AGAP1: variants seen among roughly 807,000 people sequenced by gnomAD.
AGAP1 encodes ArfGAP with GTPase domain, ankyrin repeat and PH domain 1, also known as arf-GAP with GTPase, ANK repeat and PH domain-containing protein 1.
A neutral mutation model predicts 105.3 loss-of-function variants in AGAP1; 29 were observed. The ratio of observed to expected loss-of-function variants is 0.28; its 90% confidence interval spans 0.21 to 0.38. AGAP1 has a LOEUF of 0.38. Among genes scored for constraint, AGAP1 ranks in the 10% least tolerant of loss-of-function variants. The probability of loss-of-function intolerance (pLI) is 1.00; values close to 1 mark genes in which losing one functional copy is unlikely to be tolerated. For synonymous variants in AGAP1, 509 were observed against 485.9 expected (o/e 1.05, Z -0.63); for missense variants, 998 against 1,165.1 (o/e 0.86, Z 2.09).
At chr2:235,873,489 T>G (rs368457139) in intron 9 of AGAP1, among the ~76,000 whole-genome samples, 41 of 152,214 alleles carry the variant, frequency 2.7e-4, no homozygotes, top group East Asian at 2.5e-3. Flanking sequence ...TCCTATTGTT[T>G]TGGCAAACTT....
At chr2:235,806,557 A>T (rs76501190) in intron 8 of AGAP1, among the ~76,000 whole-genome samples, 5,998 of 152,282 alleles carry the variant, frequency 0.039, 157 homozygotes, top group Non-Finnish European at 0.058. Flanking sequence ...GCACGTCAGC[A>T]GTGCATCGGA....
In AGAP1 at chr2:235,665,294, T is replaced by C. The variant is rs751672359; in HGVS notation, c.164-43885T>C. 2.0e-5 allele frequency among the ~76,000 whole-genome samples: 3 copies of C among 152,330 alleles called. No homozygotes were observed. Among genetic ancestry groups the C allele is most frequent in the African/African-American group, 4.8e-5 (2 of 41,586 alleles). ...AGGAAAAACACAGGAAGGATGCAGG[T>C]GCTCAGAGGACCTTCTGGGGTCTTT... is the stretch of plus-strand genomic sequence containing the variant. On this transcript the variant is annotated intron_variant, in intron 1 of 17. Coordinates refer to ENST00000304032, the MANE Select transcript of AGAP1 (RefSeq NM_001037131.3). This position sits in a 1 kb window ranked among gnomAD's most constrained non-coding sequence, Gnocchi z 5.3.
rs548151692 is a variant in AGAP1, at chr2:236,058,611, G to A, written c.2114+9330G>A. ...AAAGGACATCTCTAAAAAACCCACA[G>A]CTAACATTGTACTTTATGGTGAAAT... On this transcript the variant is annotated intron_variant, in intron 16 of 17. Transcript: ENST00000304032. This position sits in a 1 kb window ranked among gnomAD's most constrained non-coding sequence, Gnocchi z 4.6. 5.9e-5 allele frequency among the ~76,000 whole-genome samples: 9 copies of A among 152,266 alleles called. No individual in the cohort carries two copies. The South Asian group carries it at 1.9e-3, about 32-fold the overall frequency.
chr2:235,644,719 G>A (rs1947315127), intron 1 of AGAP1, among the ~76,000 whole-genome samples: 1 of 152,140 alleles, frequency 6.6e-6, no homozygotes, highest in Admixed American at 6.5e-5. Flanking sequence ...TGGTGCCAGA[G>A]TTCTGACCAG....
intron 1 of AGAP1, among the ~76,000 whole-genome samples, chr2:235,540,299 C>T (rs971928482): frequency 1.3e-5 from 2 of 151,958 alleles, no homozygotes; most frequent in Non-Finnish European, 2.9e-5. Flanking sequence ...TACAGGCACA[C>T]GCCACCAACG....
At position 235,865,677 on chromosome 2, in the gene AGAP1, G is replaced by A. The variant is rs561060388; in HGVS notation, c.1051-17668G>A. On this transcript the variant is annotated intron_variant, in intron 9 of 17. Coordinates refer to ENST00000304032, the MANE Select transcript of AGAP1 (RefSeq NM_001037131.3). The surrounding 1 kb of genome is among the most constrained non-coding windows in gnomAD (Gnocchi z 6.2). ...AGGTGCTCTGGAGGAGGGGCAGGGC[G>A]GGAAATATTACTATTTTAAAAAGCT... Among the ~76,000 whole-genome samples the A allele has an allele frequency of 6.6e-6, 1 of 152,222 alleles. No homozygotes were observed.
intron 13 of AGAP1, among the ~76,000 whole-genome samples, chr2:236,026,581 T>G (rs766904680): frequency 1.1e-4 from 17 of 151,986 alleles, no homozygotes; most frequent in Non-Finnish European, 1.9e-4. Flanking sequence ...ATACAAAAAT[T>G]AGCTGGGCGT....
intron 6 of AGAP1, among the ~76,000 whole-genome samples, chr2:235,763,057 T>TGTGTGTGCGCGCGCGC (rs953192018): frequency 3.7e-5 from 4 of 107,012 alleles, no homozygotes; most frequent in Admixed American, 1.2e-4. Context: ...TGTGTATGTG[T>TGTGTGTGCGCGCGCGC]GCGCGCGCGC....
intron 12 of AGAP1, among the ~76,000 whole-genome samples, chr2:235,939,867 C>T (rs144243947): frequency 2.7e-3 from 409 of 152,286 alleles, no homozygotes; most frequent in African/African-American, 9.3e-3. Flanking sequence ...ACTCAGCTCT[C>T]TCCTGTCCTC....
At chr2:235,987,717 C>T (rs1247647674) in intron 13 of AGAP1, among the ~76,000 whole-genome samples, 2 of 152,100 alleles carry the variant, frequency 1.3e-5, no homozygotes, top group Non-Finnish European at 2.9e-5. Flanking sequence ...TCTTTGTTCT[C>T]ATTGGTTTCA....
chr2:235,562,925 T>A (rs1275019288), intron 1 of AGAP1, among the ~76,000 whole-genome samples: 1 of 151,778 alleles, frequency 6.6e-6, no homozygotes, highest in Non-Finnish European at 1.5e-5. Flanking sequence ...GCCCGGCCGG[T>A]GGTGTGCGCC....
rs1303993269 is a variant in AGAP1, at chr2:235,551,677, C to G, written c.163+56828C>G. 6.6e-6 allele frequency among the ~76,000 whole-genome samples: 1 copy of G among 152,232 alleles called. No individual in the cohort carries two copies. Among genetic ancestry groups the G allele is most frequent in the Non-Finnish European group, 1.5e-5 (1 of 68,038 alleles). On this transcript the variant is annotated intron_variant, in intron 1 of 17. Transcript: ENST00000304032. The surrounding 1 kb of genome is among the most constrained non-coding windows in gnomAD (Gnocchi z 4.8). ...TTCCAAGGCACGTGGCAGGTGGGTG[C>G]TGTTTCTTTCCTGCAGGATGTTTGC...
rs1025815389 is a variant in AGAP1 at position 235,855,448 on chromosome 2, G to C, written c.1051-27897G>C. On this transcript the variant is annotated intron_variant, in intron 9 of 17. Coordinates refer to ENST00000304032, the MANE Select transcript of AGAP1 (RefSeq NM_001037131.3). The surrounding 1 kb of genome is among the most constrained non-coding windows in gnomAD (Gnocchi z 5.0). ...TTCTTTAGATGTCCTTATTCATTCAGTTACAGATTTATCATTTTTCAAACC... is the reference window on the plus strand; with the variant it reads ...TTCTTTAGATGTCCTTATTCATTCACTTACAGATTTATCATTTTTCAAACC... 6.6e-6 allele frequency among the ~76,000 whole-genome samples: 1 copy of C among 152,122 alleles called. No individual in the cohort carries two copies. The highest frequency in any genetic ancestry group is 6.5e-5 in the Admixed American group (1 of 15,276).
chr2:235,564,027 T>C (rs1370359133), intron 1 of AGAP1, among the ~76,000 whole-genome samples: 1 of 152,164 alleles, frequency 6.6e-6, no homozygotes, highest in African/African-American at 2.4e-5. Flanking sequence ...GCATGTGTCA[T>C]GGCGAGTATG....
At position 235,776,237 on chromosome 2, in the gene AGAP1, G is replaced by T. The variant is rs375471189; in HGVS notation, c.674-21522G>T. Among the ~76,000 whole-genome samples the T allele has an allele frequency of 1.1e-3, 167 of 152,296 alleles. 3 individuals are homozygous for T. Among genetic ancestry groups the T allele is most frequent in the Middle Eastern group, 6.8e-3 (2 of 294 alleles). On this transcript the variant is annotated intron_variant, in intron 6 of 17. Coordinates refer to ENST00000304032, the MANE Select transcript of AGAP1 (RefSeq NM_001037131.3). ...AATGAATGAGAGTGACAAGGGAGGA[G>T]GGTGGGGCTCCAAGGCCTCGCAGGG...
chr2:235,682,740 A>G (rs1208587457), intron 1 of AGAP1, among the ~76,000 whole-genome samples: 6 of 151,942 alleles, frequency 3.9e-5, no homozygotes, highest in Admixed American at 6.5e-5. Context: ...AGGACTGACA[A>G]TGGCATTTAA....
intron 1 of AGAP1, among the ~76,000 whole-genome samples, chr2:235,694,734 C>T (rs187911308): frequency 1.1e-3 from 160 of 152,304 alleles, no homozygotes; most frequent in Non-Finnish European, 2.1e-3. Context: ...ATCTCCTGGG[C>T]ACCTTTCGGG....
intron 9 of AGAP1, among the ~76,000 whole-genome samples, chr2:235,854,974 G>C (rs2048625826): frequency 6.6e-6 from 1 of 152,142 alleles, no homozygotes; most frequent in Admixed American, 6.5e-5. Context: ...GAGAGGGAGG[G>C]TGCTTCAGAG....
intron 13 of AGAP1, among the ~76,000 whole-genome samples, chr2:235,997,507 G>A (rs1217508376): frequency 6.6e-6 from 1 of 152,088 alleles, no homozygotes; most frequent in Non-Finnish European, 1.5e-5. Flanking sequence ...TTTGTAGCGC[G>A]GCCATACATT....
Sources: gnomAD v4.1 joint callset for allele counts (sites outside exome capture counted in the v4.1 genomes callset) on GRCh38, gnomAD v4.1.1 for gene constraint, Gnocchi (gnomAD v3.1) non-coding constraint, MANE v1.5 for transcripts, NCBI Gene and HGNC (gene_info 2026-07-23, HGNC 2026-07-21) for gene names.